TRAPPC9: variants seen among roughly 807,000 people sequenced by gnomAD.
TRAPPC9 encodes the protein IKK2 binding protein.
Under a neutral mutation model 124.0 loss-of-function variants are expected in TRAPPC9, and 83 were observed. The ratio of observed to expected loss-of-function variants is 0.67; its 90% CI spans 0.56 to 0.80. The LOEUF (loss-of-function observed/expected upper bound fraction) is 0.80. Ranked by LOEUF, TRAPPC9 falls within the 30% of genes least tolerant of loss-of-function variation. TRAPPC9 has a pLI of 0.00. For synonymous variants in TRAPPC9, 638 were observed against 617.5 expected (o/e 1.03, Z -0.49); for missense variants, 1,302 against 1,508.3 (o/e 0.86, Z 2.27).
At chr8:140,167,924 C>T (rs909763133) in intron 17 of TRAPPC9, among the ~76,000 whole-genome samples, 1 of 152,118 alleles carries the variant, frequency 6.6e-6, no homozygotes, top group Non-Finnish European at 1.5e-5. Flanking sequence ...ACGGTAACTC[C>T]GGCACCCAGA....
At chr8:140,159,684 C>CA (rs1382210788) in intron 17 of TRAPPC9, among the ~76,000 whole-genome samples, 3 of 151,600 alleles carry the variant, frequency 2.0e-5, no homozygotes, top group South Asian at 2.1e-4. Context: ...AAAAGAGGAG[C>CA]AAAAAAAACC....
chr8:139,731,451 CTCAGGGGG>C (rs1817816709), intron 22 of TRAPPC9, among the ~76,000 whole-genome samples: 2 of 151,910 alleles, frequency 1.3e-5, no homozygotes, highest in South Asian at 4.2e-4. Context: ...TGTTTGGGGG[CTCAGGGGG>C]TCAGGAGTGT....
chr8:140,127,087 G>A (rs1169310270), intron 17 of TRAPPC9, among the ~76,000 whole-genome samples: 2 of 152,162 alleles, frequency 1.3e-5, no homozygotes, highest in East Asian at 1.9e-4. Flanking sequence ...CAAACCAAGA[G>A]ACAGAAACCC....
At chr8:140,251,560 G>A (rs1225411665) in intron 16 of TRAPPC9, among the ~76,000 whole-genome samples, 2 of 152,208 alleles carry the variant, frequency 1.3e-5, no homozygotes, top group Non-Finnish European at 1.5e-5. Flanking sequence ...GAACTGCAGA[G>A]GGTGCAGACA....
chr8:139,964,528 G>A (rs1835571397), intron 19 of TRAPPC9, among the ~76,000 whole-genome samples: 1 of 152,176 alleles, frequency 6.6e-6, no homozygotes, highest in Non-Finnish European at 1.5e-5. Context: ...AGGCCACTCT[G>A]AGCCTCAGGA....
intron 16 of TRAPPC9, 126 bp from the exon 17 acceptor site, chr8:140,221,709 C>T: frequency 1.5e-6 from 2 of 1,292,212 alleles, no homozygotes; most frequent in Non-Finnish European, 2.1e-6. Flanking sequence ...GCAATCTCTG[C>T]TCACTGCAAC....
intron 3 of TRAPPC9, 129 bp downstream of exon 3, chr8:140,438,923 C>A (rs1268144856): frequency 9.1e-7 from 1 of 1,101,056 alleles, no homozygotes; most frequent in Non-Finnish European, 1.4e-6. Context: ...ATCTCTTGAC[C>A]TCATATTTGG....
intron 17 of TRAPPC9, among the ~76,000 whole-genome samples, chr8:140,084,140 T>C (rs749354515): frequency 3.9e-5 from 6 of 152,166 alleles, no homozygotes; most frequent in Non-Finnish European, 8.8e-5. Flanking sequence ...TTATTATAAT[T>C]ATGCATAGAA....
intron 17 of TRAPPC9, among the ~76,000 whole-genome samples, chr8:140,149,100 A>C (rs2061502806): frequency 6.6e-6 from 1 of 152,116 alleles, no homozygotes; most frequent in African/African-American, 2.4e-5. Context: ...CTAATACATA[A>C]GAAAAAGCTT....
chr8:139,910,887 G>C (rs1831682046), intron 19 of TRAPPC9, among the ~76,000 whole-genome samples: 2 of 152,198 alleles, frequency 1.3e-5, no homozygotes, highest in Admixed American at 1.3e-4. Context: ...CAGGTTCATA[G>C]GTGGAAGGGA....
chr8:140,038,186 C>A (rs1365202666), intron 17 of TRAPPC9, among the ~76,000 whole-genome samples: 3 of 152,050 alleles, frequency 2.0e-5, no homozygotes, highest in African/African-American at 7.2e-5. Flanking sequence ...AAGGATGGCA[C>A]AGGACTGCTG....
chr8:139,880,851 T>C (rs963674868), intron 21 of TRAPPC9, among the ~76,000 whole-genome samples: 1 of 152,210 alleles, frequency 6.6e-6, no homozygotes, highest in Non-Finnish European at 1.5e-5. Context: ...TTCCACACTG[T>C]AGTGCTAGGC....
intron 17 of TRAPPC9, among the ~76,000 whole-genome samples, chr8:140,174,071 A>G (rs1360163539): frequency 6.6e-6 from 1 of 152,200 alleles, no homozygotes; most frequent in Non-Finnish European, 1.5e-5. Context: ...GGTAAAGGGC[A>G]AGAAGAAAAG....
intron 21 of TRAPPC9, among the ~76,000 whole-genome samples, chr8:139,873,113 T>C (rs987116038): frequency 1.3e-5 from 2 of 151,876 alleles, no homozygotes; most frequent in African/African-American, 2.4e-5. Context: ...GATGGTTGGA[T>C]AGGTGGGTGG....
At chr8:139,896,849 C>T (rs1022523022) in intron 20 of TRAPPC9, among the ~76,000 whole-genome samples, 2 of 152,182 alleles carry the variant, frequency 1.3e-5, no homozygotes, top group Non-Finnish European at 2.9e-5. Context: ...GGTGCTGAAG[C>T]AGCTGCCTCC....
chr8:140,138,931 A>T (rs2061343802), intron 17 of TRAPPC9, among the ~76,000 whole-genome samples: 1 of 152,070 alleles, frequency 6.6e-6, no homozygotes, highest in Non-Finnish European at 1.5e-5. Context: ...GAGGGTGCAG[A>T]GGGCTGAACC....
rs779294582 is a variant in TRAPPC9, at chr8:140,328,886, A to C, written c.1496-17512T>G. On this transcript the variant is annotated intron_variant, in intron 9 of 22. Coordinates refer to ENST00000438773, the MANE Select transcript of TRAPPC9 (RefSeq NM_001160372.4). Reference sequence around the variant, plus strand: ...TGAAGGAGGTAGAGACAAGACTGGCACTGAGGGTGACGGCTTTGGGGACCG... The same window carrying C: ...TGAAGGAGGTAGAGACAAGACTGGCCCTGAGGGTGACGGCTTTGGGGACCG... 3.4e-4 allele frequency among the ~76,000 whole-genome samples: 52 copies of C among 152,146 alleles called. 1 individual carries two copies. Among genetic ancestry groups the C allele is most frequent in the Non-Finnish European group, 1.3e-4 (9 of 68,030 alleles).
rs1442620916 is a variant in TRAPPC9 at position 139,910,253 on chromosome 8, G to C, written c.2858C>G (p.Ser953Cys). The C allele has an allele frequency of 6.2e-7, 1 of 1,614,130 alleles. No homozygotes were observed. The highest frequency in any genetic ancestry group is 8.5e-7 in the Non-Finnish European group (1 of 1,180,038). ...DKFNFESFPESPGEKGQFANP... is the reference protein window; with the variant it reads ...DKFNFESFPECPGEKGQFANP... ...TGCAAATTGCCCCTTCTCCCCAGGG[G>C]ACTCCGGGAAACTCTCAAAGTTGAA... The change falls in exon 20 of 23, where the codon TCC (serine) becomes TGC (cysteine). Residue 953 changes from serine (S) to cysteine (C), a missense_variant. Coordinates refer to ENST00000438773, the MANE Select transcript of TRAPPC9 (RefSeq NM_001160372.4).
rs1344664078 is a variant in TRAPPC9 at position 139,742,198 on chromosome 8, C to A, written c.3056-9996G>T. Among the ~76,000 whole-genome samples, 1 of 152,218 alleles carries A rather than the reference C, an allele frequency of 6.6e-6. No homozygotes were observed. The highest frequency in any genetic ancestry group is 2.4e-5 in the African/African-American group (1 of 41,452). On this transcript the variant is annotated intron_variant, in intron 21 of 22. Transcript: ENST00000438773. This position sits in a 1 kb window ranked among gnomAD's most constrained non-coding sequence, Gnocchi z 4.7. ...ACTGTGGTTGCCTGGCTCTGGTTCA[C>A]CCATCCTGGTGGAGGTGAAGTAGCA...
Sources: gnomAD v4.1 joint callset for allele counts (sites outside exome capture counted in the v4.1 genomes callset) on GRCh38, gnomAD v4.1.1 for gene constraint, Gnocchi (gnomAD v3.1) non-coding constraint, MANE v1.5 for transcripts, NCBI Gene and HGNC (gene_info 2026-07-23, HGNC 2026-07-21) for gene names.